Variants in TRPM3 observed in about 807,000 individuals in gnomAD.
TRPM3 encodes transient receptor potential cation channel subfamily M member 3, also known as long transient receptor potential channel 3.
TRPM3 carries 77 observed loss-of-function variants against 181.2 expected under a neutral mutation model. That is an observed-to-expected ratio of 0.42 (90% CI 0.35 to 0.51). The LOEUF is 0.51. Ranked by LOEUF, TRPM3 falls within the 20% of genes least tolerant of loss-of-function variation. The pLI is 0.01. For synonymous variants in TRPM3, 745 were observed against 796.4 expected (o/e 0.94, Z 1.09); for missense variants, 1,759 against 2,196.7 (o/e 0.80, Z 3.98).
At chr9:70,894,555 T>G (rs1426203789) in intron 1 of TRPM3, among the ~76,000 whole-genome samples, 2 of 152,182 alleles carry the variant, frequency 1.3e-5, no homozygotes, top group East Asian at 3.9e-4. Context: ...TACCAGGCAC[T>G]GCTTTAGGAA....
At chr9:70,555,029 C>A (rs1017821765) in intron 22 of TRPM3, among the ~76,000 whole-genome samples, 1 of 152,228 alleles carries the variant, frequency 6.6e-6, no homozygotes, top group Admixed American at 6.5e-5. Flanking sequence ...CTGAGAGTGC[C>A]TGGCCCTGGG....
At chr9:70,567,976 G>T (rs1670788123) in intron 22 of TRPM3, among the ~76,000 whole-genome samples, 1 of 152,190 alleles carries the variant, frequency 6.6e-6, no homozygotes, top group Non-Finnish European at 1.5e-5. Flanking sequence ...GAGAAAAAAA[G>T]ACAGGAGAGT....
chr9:71,429,743 T>C (rs1408345508), intron 1 of TRPM3, among the ~76,000 whole-genome samples: 3 of 152,192 alleles, frequency 2.0e-5, no homozygotes, highest in African/African-American at 4.8e-5. Flanking sequence ...AATTCATAGA[T>C]TGAGGGGAGC....
intron 1 of TRPM3, among the ~76,000 whole-genome samples, chr9:71,057,473 C>T (rs2060795900): frequency 6.6e-6 from 1 of 152,046 alleles, no homozygotes; most frequent in African/African-American, 2.4e-5. Context: ...CGCTAGGTCT[C>T]TACCTTTCAT....
At chr9:70,785,412 A>G (rs1304088220) in intron 6 of TRPM3, among the ~76,000 whole-genome samples, 2 of 152,190 alleles carry the variant, frequency 1.3e-5, no homozygotes, top group Non-Finnish European at 2.9e-5. Context: ...TTGGTATCAC[A>G]TTGTATTTTT....
chr9:71,139,404 T>C (rs145738327), intron 1 of TRPM3, among the ~76,000 whole-genome samples: 128 of 152,314 alleles, frequency 8.4e-4, no homozygotes, highest in African/African-American at 3.0e-3. Flanking sequence ...CTCATCTTAA[T>C]TGGTATTTCA....
intron 5 of TRPM3, among the ~76,000 whole-genome samples, chr9:70,829,498 T>C (rs1315314413): frequency 6.6e-6 from 1 of 152,212 alleles, no homozygotes; most frequent in East Asian, 1.9e-4. Context: ...AAAATGTGTA[T>C]ATAATTCTGA....
At chr9:70,789,322 A>G (rs2084763960) in intron 6 of TRPM3, among the ~76,000 whole-genome samples, 1 of 152,198 alleles carries the variant, frequency 6.6e-6, no homozygotes, top group Non-Finnish European at 1.5e-5. Flanking sequence ...TATGCTCATA[A>G]AGAAACTGAT....
chr9:71,004,457 T>G (rs926513921), intron 1 of TRPM3, among the ~76,000 whole-genome samples: 1 of 152,192 alleles, frequency 6.6e-6, no homozygotes, highest in African/African-American at 2.4e-5. Context: ...GCGGTTAAGC[T>G]CCAGTGTTAA....
At chr9:70,952,994 T>C (rs1020021774) in intron 1 of TRPM3, among the ~76,000 whole-genome samples, 12 of 152,176 alleles carry the variant, frequency 7.9e-5, no homozygotes, top group Non-Finnish European at 1.5e-4. Context: ...AACATAGAAA[T>C]GGCCTCAAAG....
chr9:70,886,047 T>C lies in TRPM3; in HGVS notation c.178-21536A>G, dbSNP rs1331589879. Among the ~76,000 whole-genome samples, 4 of 152,262 alleles carry C rather than the reference T, an allele frequency of 2.6e-5. No homozygotes were observed. The East Asian group carries it at 7.7e-4, about 29-fold the overall frequency. The stretch of plus-strand genomic sequence containing the variant: ...AATTAAATGTGAATGTTATAGACTT[T>C]CAGCATTACACTTACAGCCAGGATG... On this transcript the variant is annotated intron_variant, in intron 1 of 25. Transcript: ENST00000677713.
chr9:71,051,314 C>A (rs780262787), intron 1 of TRPM3, among the ~76,000 whole-genome samples: 6 of 152,192 alleles, frequency 3.9e-5, no homozygotes, highest in Non-Finnish European at 8.8e-5. Flanking sequence ...CAGTTTACTG[C>A]AGTTTACTAA....
At chr9:71,110,013 A>G (rs1257317069) in intron 1 of TRPM3, among the ~76,000 whole-genome samples, 1 of 152,192 alleles carries the variant, frequency 6.6e-6, no homozygotes, top group Non-Finnish European at 1.5e-5. Flanking sequence ...GAATAATGAC[A>G]TATTTTGAAG....
intron 9 of TRPM3, among the ~76,000 whole-genome samples, chr9:70,642,756 T>C (rs1310365836): frequency 1.3e-5 from 2 of 152,228 alleles, no homozygotes; most frequent in Non-Finnish European, 1.5e-5. Context: ...AAATGTTTGC[T>C]AAGTGAACAC....
rs184018566 is a variant in TRPM3 at position 70,618,899 on chromosome 9, G to C, written c.2326C>G (p.Arg776Gly). 1.2e-6 allele frequency: 2 copies of C among 1,609,858 alleles called. No homozygotes were observed. The highest frequency in any genetic ancestry group is 1.1e-5 in the South Asian group (1 of 91,084). ...CCTGAGTTCTTGCGCATGCGGAGCC[G>C]GCCCATCCACATGTCGGTGAGCAGC... ...QMLLTDMWMG[R>G]LRMRKNSGLK... The change falls in exon 17 of 26, where the codon CGG becomes GGG. Residue 776 changes from arginine to glycine, a missense_variant. Physicochemically the swap from Arg to Gly is moderately radical, Grantham distance 125 (BLOSUM62 -2). Coordinates refer to ENST00000677713, the MANE Select transcript of TRPM3 (RefSeq NM_001366145.2).
chr9:71,130,901 G>A lies in TRPM3; in HGVS notation c.184-266390C>T, dbSNP rs750272649. On this transcript the variant is annotated intron_variant, in intron 1 of 24. Transcript: ENST00000357533. ...GAATAGGTAGATATAGCTGTAATGC[G>A]TATGTTTTTCTTTGTACTTTAATTA... 7.7e-4 allele frequency among the ~76,000 whole-genome samples: 117 copies of A among 152,152 alleles called. 1 individual carries two copies. The highest frequency in any genetic ancestry group is 4.9e-4 in the Non-Finnish European group (33 of 68,038).
chr9:71,171,268 T>C (rs2076839439), intron 1 of TRPM3, among the ~76,000 whole-genome samples: 1 of 152,232 alleles, frequency 6.6e-6, no homozygotes, highest in South Asian at 2.1e-4. Context: ...GATCTCACCC[T>C]GCCTCCACTT....
intron 1 of TRPM3, among the ~76,000 whole-genome samples, chr9:71,313,388 C>G (rs2088187066): frequency 6.6e-6 from 1 of 151,942 alleles, no homozygotes; most frequent in African/African-American, 2.4e-5. Context: ...TCTAGATGAC[C>G]TGTCTGTTTT....
rs148431079 is a variant in TRPM3 at position 70,885,961 on chromosome 9, C to T, written c.178-21450G>A. Among the ~76,000 whole-genome samples the T allele has an allele frequency of 1.8e-4, 27 of 152,202 alleles. 1 individual carries two copies. In the East Asian group the frequency reaches 3.3e-3, roughly 19 times the overall value. ...GCAACTTGGCATTTAAAATATACCA[C>T]GGAAAGTAAAATTTTTCAATCTGTA... On this transcript the variant is annotated intron_variant, in intron 1 of 25. Coordinates refer to ENST00000677713, the MANE Select transcript of TRPM3 (RefSeq NM_001366145.2).
Sources: allele counts gnomAD v4.1 joint callset (sites outside exome capture counted in the v4.1 genomes callset), GRCh38; gene constraint gnomAD v4.1.1; transcripts MANE v1.5; gene names NCBI Gene and HGNC (gene_info 2026-07-23, HGNC 2026-07-21).